The following P3H1 variants were observed in gnomAD, a reference collection of about 807,000 sequenced individuals.
The protein encoded by P3H1 is prolyl 3-hydroxylase 1.
Under a neutral mutation model 84.0 loss-of-function variants are expected in P3H1, and 69 were observed. The observed-to-expected ratio is 0.82, with a 90% confidence interval of 0.68 to 1.00. The LOEUF (loss-of-function observed/expected upper bound fraction) is 1.00. Among genes scored for constraint, P3H1 ranks in the 50% least tolerant of loss-of-function variants. The probability of loss-of-function intolerance (pLI) is 0.00; values close to 1 mark genes in which losing one functional copy is unlikely to be tolerated. For synonymous variants in P3H1, 366 were observed against 388.8 expected, an observed-to-expected ratio of 0.94 and a Z score of 0.69; for missense variants, 878 against 962.8, an observed-to-expected ratio of 0.91 and a Z score of 1.17.
In P3H1 at chr1:42,759,345, G is replaced by A. The variant is rs1214987088; in HGVS notation, c.664C>T (p.Gln222Ter). ...GCCTCTAGGTGGGGCACAGCTTCCTGTGGCTGTTCCTCTGAGTAGAGTCGC... is the reference window on the plus strand; with the variant it reads ...GCCTCTAGGTGGGGCACAGCTTCCTATGGCTGTTCCTCTGAGTAGAGTCGC... ...GVRLYSEEQP[Q>*]EAVPHLEAAL... Residue 222 changes from glutamine to a stop codon, truncating the protein, a stop_gained, in exon 3 of 15, where the codon CAG becomes TAG. Coordinates refer to ENST00000296388, the MANE Select transcript of P3H1 (RefSeq NM_022356.4). LOFTEE classifies it high-confidence loss of function. 2 of 1,614,076 alleles carry A rather than the reference G, an allele frequency of 1.2e-6. No homozygotes were observed. The highest frequency in any genetic ancestry group is 1.7e-6 in the Non-Finnish European group (2 of 1,180,040).
At position 42,762,349 on chromosome 1, in the gene P3H1, T is replaced by C. The variant is rs1276437306; in HGVS notation, c.592A>G (p.Lys198Glu). 6.2e-7 allele frequency: 1 copy of C among 1,614,166 alleles called. No homozygotes were observed. The change falls in exon 2 of 15, where the codon AAG becomes GAG. Residue 198 changes from lysine (K) to glutamate (E), a missense_variant. Transcript: ENST00000296388. Reference protein sequence around the residue: ...TMSGVKEADFKDLETQPHMQE... With the variant: ...TMSGVKEADFEDLETQPHMQE... ...ATATGGGGTTGAGTCTCAAGATCCT[T>C]GAAGTCGGCCTCCTTCACTCCAGAC...
In P3H1 at chr1:42,767,011, C is replaced by G. The variant is rs748895419; in HGVS notation, c.-40G>C. 25 of 1,595,720 alleles carry G rather than the reference C, an allele frequency of 1.6e-5. No homozygotes were observed. The highest frequency in any genetic ancestry group is 2.0e-5 in the Non-Finnish European group (24 of 1,176,178). The stretch of plus-strand genomic sequence containing the variant: ...TAACGGAACCGCCAGCCACCCGCCA[C>G]CAAGGCCGGAGTCCTACCCCCGGCG... On this transcript the variant is annotated 5_prime_UTR_variant, in exon 1 of 15. Coordinates refer to ENST00000296388, the MANE Select transcript of P3H1 (RefSeq NM_022356.4).
Position 42,749,236 on chromosome 1 carries a change from G to A in P3H1, c.1721-919C>T, listed in dbSNP as rs538872349. Among the ~76,000 whole-genome samples, 24 of 152,366 alleles carry A rather than the reference G, an allele frequency of 1.6e-4. No homozygotes were observed. The South Asian group carries it at 2.5e-3, about 16-fold the overall frequency. On this transcript the variant is annotated intron_variant, in intron 11 of 14. Transcript: ENST00000296388. ...CCGGGGGCTTGTGACACACCCAGTT[G>A]TGTGTCTGACTGGTCCCTTTGGGTG...
chr1:42,759,842 A>T (rs1652608669), intron 2 of P3H1: 1 of 217,372 alleles, frequency 4.6e-6, no homozygotes, highest in South Asian at 6.6e-5. Flanking sequence ...TCGGCCTCCT[A>T]AAGTGCTGGG....
intron 4 of P3H1, 82 bp downstream of exon 4, chr1:42,758,770 G>A: frequency 2.7e-6 from 4 of 1,496,386 alleles, no homozygotes; most frequent in South Asian, 1.1e-5. Context: ...CCTTGAGGAA[G>A]TAAGTGGCTG....
rs370357370 is a variant in P3H1 at position 42,762,928 on chromosome 1, C to T, written c.466-453G>A. ...GCAACATGGTGAAACCCTGTCTTTA[C>T]GAAAAATACAAAAATTACATGGTAC... On this transcript the variant is annotated intron_variant, in intron 1 of 14. Transcript: ENST00000296388. Among the ~76,000 whole-genome samples the T allele has an allele frequency of 9.9e-5, 15 of 151,806 alleles. 1 individual carries two copies. The highest frequency in any genetic ancestry group is 6.6e-4 in the Admixed American group (10 of 15,242).
chr1:42,746,485 C>T lies in P3H1; in HGVS notation c.*212G>A. 3 of 600,622 alleles carry T rather than the reference C, an allele frequency of 5.0e-6. No individual in the cohort carries two copies. In the Admixed American group the frequency reaches 8.7e-5, roughly 17 times the overall value. 37.2% of individuals were successfully genotyped at this position (600,622 alleles called of 1,614,324 possible). On this transcript the variant is annotated 3_prime_UTR_variant, in exon 15 of 15. Coordinates refer to ENST00000296388, the MANE Select transcript of P3H1 (RefSeq NM_022356.4). ...CCCCTGGGGGTGGCTGGGCCTGTGT[C>T]CTGAGCCCTCAGCCAGATCCAGGGG...
intron 11 of P3H1, 189 bp downstream of exon 11, chr1:42,749,997 G>A: frequency 1.5e-6 from 1 of 677,312 alleles, no homozygotes. Context: ...TTGATCCCCA[G>A]GTAGGTTGAC....
At position 42,747,310 on chromosome 1, in the gene P3H1, C is replaced by T. The variant is rs192750565; in HGVS notation, c.2017G>A (p.Ala673Thr). ...AVTRGQRCAI[A>T]LWFTLDPRHS... is the part of the protein sequence containing the mutation. ...CGAGGGTCCAGGGTGAACCACAGGGCGATGGCACAGCGCTGCCCCCTGGTG... is the reference window on the plus strand; with the variant it reads ...CGAGGGTCCAGGGTGAACCACAGGGTGATGGCACAGCGCTGCCCCCTGGTG... Residue 673 changes from alanine (A) to threonine (T), a missense_variant, in exon 14 of 15, where the codon GCC (alanine) becomes ACC (threonine). Coordinates refer to ENST00000296388, the MANE Select transcript of P3H1 (RefSeq NM_022356.4). The T allele has an allele frequency of 1.1e-5, 17 of 1,612,528 alleles. No individual in the cohort carries two copies. The highest frequency in any genetic ancestry group is 1.6e-4 in the Middle Eastern group (1 of 6,070).
At chr1:42,757,637 G>T in intron 5 of P3H1, 146 bp downstream of exon 5, 1 of 1,159,594 alleles carries the variant, frequency 8.6e-7, no homozygotes, top group Non-Finnish European at 1.3e-6. Context: ...ATAACAAGCC[G>T]AGTGACTGAA....
At chr1:42,764,031 G>A (rs1392465282) in intron 1 of P3H1, among the ~76,000 whole-genome samples, 1 of 152,108 alleles carries the variant, frequency 6.6e-6, no homozygotes, top group Non-Finnish European at 1.5e-5. Flanking sequence ...TCAGGAGGCT[G>A]AGGCAGGAGA....
chr1:42,749,697 T>G (rs780267295), intron 11 of P3H1, among the ~76,000 whole-genome samples: 10 of 152,102 alleles, frequency 6.6e-5, no homozygotes, highest in Admixed American at 1.3e-4. Context: ...CCACCCGGAG[T>G]ACTCCGTAAT....
chr1:42,757,875 A>C lies in P3H1; in HGVS notation c.988T>G (p.Phe330Val), dbSNP rs1437738251. ...AVECAKTYLLFFPNDEVMNQN... is the reference protein window; with the variant it reads ...AVECAKTYLLVFPNDEVMNQN... ...TTCATCACCTCGTCATTGGGGAAGA[A>C]GAGAAGATAGGTCTTGGCACATTCA... The change falls in exon 5 of 15, where the codon TTC (phenylalanine) becomes GTC (valine). Residue 330 changes from phenylalanine to valine, a missense_variant. Phe to Val is a conservative substitution (Grantham distance 50). Transcript: ENST00000296388. 11 of 1,614,108 alleles carry C rather than the reference A, an allele frequency of 6.8e-6. No homozygotes were observed. The highest frequency in any genetic ancestry group is 9.3e-6 in the Non-Finnish European group (11 of 1,180,048).
At position 42,746,421 on chromosome 1, in the gene P3H1, T is replaced by C; in HGVS notation, c.*276A>G. ...ATTCTTTGGTTGTCTACACAGACAC[T>C]TAAGTACTGTATCGCTGTCATGCAG... On this transcript the variant is annotated 3_prime_UTR_variant, in exon 15 of 15. Coordinates refer to ENST00000296388, the MANE Select transcript of P3H1 (RefSeq NM_022356.4). 1 of 516,900 alleles carries C rather than the reference T, an allele frequency of 1.9e-6. No individual in the cohort carries two copies. Among genetic ancestry groups the C allele is most frequent in the Non-Finnish European group, 3.5e-6 (1 of 288,212 alleles). The allele number at this position is 516,900 out of a possible 1,614,324, so 32.0% of individuals were successfully genotyped here.
At chr1:42,759,650 G>A (rs1035738408) in intron 2 of P3H1, among the ~76,000 whole-genome samples, 1 of 151,828 alleles carries the variant, frequency 6.6e-6, no homozygotes, top group African/African-American at 2.4e-5. Context: ...CTGGACTGCA[G>A]TGGCACAATC....
intron 14 of P3H1, chr1:42,747,069 A>T: frequency 1.2e-6 from 2 of 1,614,172 alleles, no homozygotes; most frequent in African/African-American, 2.7e-5. Flanking sequence ...CTCTTTCCCC[A>T]CCTGGATCCC....
chr1:42,757,847 T>C lies in P3H1; in HGVS notation c.1016A>G (p.Gln339Arg). Residue 339 changes from glutamine (Q) to arginine (R), a missense_variant, in exon 5 of 15, where the codon CAA (glutamine) becomes CGA (arginine). Coordinates refer to ENST00000296388, the MANE Select transcript of P3H1 (RefSeq NM_022356.4). ...CATAGCTGCATAATAGGCCAAATTTTGGTTCATCACCTCGTCATTGGGGAA... is the reference window on the plus strand; with the variant it reads ...CATAGCTGCATAATAGGCCAAATTTCGGTTCATCACCTCGTCATTGGGGAA... ...LFFPNDEVMN[Q>R]NLAYYAAMLG... 1 of 1,614,254 alleles carries C rather than the reference T, an allele frequency of 6.2e-7. No homozygotes were observed. The highest frequency in any genetic ancestry group is 1.7e-5 in the Admixed American group (1 of 60,034).
At chr1:42,765,881 G>A (rs1652959745) in intron 1 of P3H1, among the ~76,000 whole-genome samples, 1 of 152,048 alleles carries the variant, frequency 6.6e-6, no homozygotes, top group Admixed American at 6.5e-5. Context: ...CATCATCATC[G>A]TCACCATCAC....
chr1:42,765,920 A>G (rs1342924439), intron 1 of P3H1, among the ~76,000 whole-genome samples: 1 of 151,972 alleles, frequency 6.6e-6, no homozygotes, highest in Non-Finnish European at 1.5e-5. Context: ...GAACGCTCCA[A>G]GCCCAAGTGT....
Sources: allele counts gnomAD v4.1 joint callset (sites outside exome capture counted in the v4.1 genomes callset), GRCh38; gene constraint gnomAD v4.1.1; transcripts MANE v1.5; gene names NCBI Gene and HGNC (gene_info 2026-07-23, HGNC 2026-07-21).